HSD17B3: variants seen among roughly 807,000 people sequenced by gnomAD.
HSD17B3 encodes the protein 17-beta-hydroxysteroid dehydrogenase type 3.
Under a neutral mutation model 41.1 loss-of-function variants are expected in HSD17B3, and 29 were observed. That is an observed-to-expected ratio of 0.71 (90% CI 0.53 to 0.96). The LOEUF (loss-of-function observed/expected upper bound fraction) is 0.96. HSD17B3 is among the 40% of genes least tolerant of loss of function. HSD17B3 has a pLI of 0.00. For synonymous variants in HSD17B3, 126 were observed against 145.6 expected, an observed-to-expected ratio of 0.87 and a Z score of 0.97; for missense variants, 323 against 374.6, an observed-to-expected ratio of 0.86 and a Z score of 1.14.
intron 2 of HSD17B3, among the ~76,000 whole-genome samples, chr9:96,270,114 G>A (rs1826186782): frequency 6.6e-6 from 1 of 152,064 alleles, no homozygotes; most frequent in Non-Finnish European, 1.5e-5. Context: ...TGGCATACAG[G>A]CAGCTTCAAG....
Position 96,255,367 on chromosome 9 carries a change from C to CTTTTTTTTTTTTTTT in HSD17B3, c.202-439_202-425dup, listed in dbSNP as rs869145717. ...AAGCAGTGTTTCTGCCCCAACATTT[C>CTTTTTTTTTTTTTTT]TTTTTTTTTTTTTTTTTTTTTTTTT... On this transcript the variant is annotated intron_variant, in intron 2 of 10. Coordinates refer to ENST00000375263, the MANE Select transcript of HSD17B3 (RefSeq NM_000197.2). Among the ~76,000 whole-genome samples, 56 of 54,566 alleles carry CTTTTTTTTTTTTTTT rather than the reference C, an allele frequency of 1.0e-3. 13 individuals are homozygous for CTTTTTTTTTTTTTTT. Among genetic ancestry groups the CTTTTTTTTTTTTTTT allele is most frequent in the Non-Finnish European group, 1.5e-3 (45 of 29,474 alleles). 35.8% of individuals were successfully genotyped at this position (54,566 alleles called of 152,430 possible). A position where few individuals can be genotyped will look rare whatever the true frequency, so the allele number is the denominator to read the frequency against.
rs538051235 is a variant in HSD17B3 at position 96,247,524 on chromosome 9, G to A, written c.490-934C>T. On this transcript the variant is annotated intron_variant, in intron 6 of 10. Coordinates refer to ENST00000375263, the MANE Select transcript of HSD17B3 (RefSeq NM_000197.2). ...CCAGGGAATGTCTTCGCTGCTGGGG[G>A]GCCAGGGGGCCAGGGCAGTGGAGGG... Among the ~76,000 whole-genome samples, 13 of 152,336 alleles carry A rather than the reference G, an allele frequency of 8.5e-5. No homozygotes were observed. The South Asian group carries it at 1.9e-3, about 22-fold the overall frequency.
intron 2 of HSD17B3, among the ~76,000 whole-genome samples, chr9:96,287,937 T>TAAACAAA (rs1826990335): frequency 6.7e-6 from 1 of 149,440 alleles, no homozygotes; most frequent in Admixed American, 6.7e-5. Context: ...CAAAATGGAG[T>TAAACAAA]ATATCCATAC....
rs1489872756 is a variant in HSD17B3, at chr9:96,272,445, AT to A, written c.202-17503del. Among the ~76,000 whole-genome samples the A allele has an allele frequency of 3.2e-3, 322 of 99,170 alleles. 3 individuals are homozygous for A. The highest frequency in any genetic ancestry group is 4.9e-3 in the Middle Eastern group (1 of 204). The allele number at this position is 99,170 out of a possible 152,430, so 65.1% of individuals were successfully genotyped here. On this transcript the variant is annotated intron_variant, in intron 2 of 10. Transcript: ENST00000375263. Reference sequence around the variant, plus strand: ...TATATATATATATATATATATATATATAAAATATATATGAATATAATATATA... The same window carrying A: ...TATATATATATATATATATATATATAAAAATATATATGAATATAATATATA...
intron 6 of HSD17B3, among the ~76,000 whole-genome samples, chr9:96,247,780 GT>G (rs1349727337): frequency 1.3e-5 from 2 of 152,124 alleles, no homozygotes; most frequent in African/African-American, 2.4e-5. Context: ...AATCTCGTGG[GT>G]CCCCGCCTCA....
intron 2 of HSD17B3, among the ~76,000 whole-genome samples, chr9:96,291,082 C>T (rs1827139301): frequency 1.3e-5 from 2 of 152,220 alleles, no homozygotes; most frequent in South Asian, 2.1e-4. Context: ...TTGCAGCTGC[C>T]ACCATCCCCG....
At chr9:96,289,806 C>T (rs1168597608) in intron 2 of HSD17B3, among the ~76,000 whole-genome samples, 1 of 152,100 alleles carries the variant, frequency 6.6e-6, no homozygotes, top group Non-Finnish European at 1.5e-5. Flanking sequence ...CTGACAGGCT[C>T]CATACACAGG....
In HSD17B3 at chr9:96,235,442, G is replaced by T. The variant is rs1836195405; in HGVS notation, c.*18C>A. On this transcript the variant is annotated 3_prime_UTR_variant, in exon 11 of 11. Coordinates refer to ENST00000375263, the MANE Select transcript of HSD17B3 (RefSeq NM_000197.2). The stretch of plus-strand genomic sequence containing the variant: ...GGACTGGTGAGGAAAAGGTTGTGCT[G>T]GACTCCTCACCGCCTGGCTACCTGA... The T allele has an allele frequency of 1.3e-6, 2 of 1,558,676 alleles. No individual in the cohort carries two copies. The highest frequency in any genetic ancestry group is 3.4e-5 in the Admixed American group (2 of 59,308).
At chr9:96,249,858 A>G in intron 5 of HSD17B3, 72 bp from the exon 6 acceptor site, 1 of 1,611,882 alleles carries the variant, frequency 6.2e-7, no homozygotes, top group East Asian at 2.2e-5. Context: ...AGTTGGTGCT[A>G]AAGAACCATG....
intron 2 of HSD17B3, among the ~76,000 whole-genome samples, chr9:96,277,509 C>T (rs1826511329): frequency 6.6e-6 from 1 of 152,044 alleles, no homozygotes; most frequent in Admixed American, 6.6e-5. Context: ...CAGATGAAAA[C>T]CACAATGAGC....
At chr9:96,287,571 A>G (rs8190513) in intron 2 of HSD17B3, among the ~76,000 whole-genome samples, 73,022 of 151,702 alleles carry the variant, frequency 0.48, 18,449 homozygotes, top group East Asian at 0.66. Flanking sequence ...TTAGCCAGGC[A>G]TGGTGGCACA....
At chr9:96,258,992 A>G (rs996355336) in intron 2 of HSD17B3, among the ~76,000 whole-genome samples, 3 of 152,208 alleles carry the variant, frequency 2.0e-5, no homozygotes, top group African/African-American at 2.4e-5. Flanking sequence ...AGGGTTTGTC[A>G]TCTTTACCGC....
chr9:96,244,676 G>A (rs149215638), intron 8 of HSD17B3, among the ~76,000 whole-genome samples: 68 of 151,842 alleles, frequency 4.5e-4, no homozygotes, highest in Middle Eastern at 3.4e-3. Flanking sequence ...AAAAAAAACC[G>A]GTAAGTATGT....
intron 2 of HSD17B3, among the ~76,000 whole-genome samples, chr9:96,284,761 G>C (rs1213418406): frequency 1.3e-5 from 2 of 152,090 alleles, no homozygotes; most frequent in Non-Finnish European, 2.9e-5. Context: ...AGGTATTTGA[G>C]GGTACAAACC....
chr9:96,294,690 T>C (rs1827280394), intron 2 of HSD17B3, among the ~76,000 whole-genome samples: 1 of 152,164 alleles, frequency 6.6e-6, no homozygotes, highest in African/African-American at 2.4e-5. Context: ...TGGTCCAGGG[T>C]GAGAAATCGT....
intron 8 of HSD17B3, among the ~76,000 whole-genome samples, chr9:96,244,909 T>A (rs1836600261): frequency 6.6e-6 from 1 of 152,096 alleles, no homozygotes; most frequent in Non-Finnish European, 1.5e-5. Context: ...GACCTCCCAC[T>A]CAGCAGGAAA....
At chr9:96,263,379 T>C (rs1183899522) in intron 2 of HSD17B3, among the ~76,000 whole-genome samples, 2 of 152,138 alleles carry the variant, frequency 1.3e-5, no homozygotes, top group Admixed American at 1.3e-4. Flanking sequence ...AGCAACAAAT[T>C]TGATTACAGT....
intron 3 of HSD17B3, 58 bp from the exon 4 acceptor site, chr9:96,252,968 T>A: frequency 9.3e-7 from 1 of 1,075,238 alleles, no homozygotes; most frequent in East Asian, 2.4e-5. Context: ...CCCTCGCCCA[T>A]GAAGTTTCCC....
intron 2 of HSD17B3, among the ~76,000 whole-genome samples, chr9:96,274,841 A>G (rs1467233474): frequency 6.6e-6 from 1 of 152,214 alleles, no homozygotes; most frequent in Non-Finnish European, 1.5e-5. Context: ...TGTGAAAAAT[A>G]AGGTCTGAAA....
Sources: allele counts gnomAD v4.1 joint callset (sites outside exome capture counted in the v4.1 genomes callset), GRCh38; gene constraint gnomAD v4.1.1; transcripts MANE v1.5; gene names NCBI Gene and HGNC (gene_info 2026-07-23, HGNC 2026-07-21).